MTUS1: variants seen among roughly 807,000 people sequenced by gnomAD.
The protein encoded by MTUS1 is microtubule-associated tumor suppressor 1.
Under a neutral mutation model 120.8 loss-of-function variants are expected in MTUS1, and 109 were observed. The observed-to-expected ratio is 0.90, with a 90% CI of 0.77 to 1.06. The LOEUF (loss-of-function observed/expected upper bound fraction) is 1.06. MTUS1 is among the 50% of genes least tolerant of loss of function. MTUS1 has a pLI of 0.00. For synonymous variants in MTUS1, 737 were observed against 550.5 expected, an observed-to-expected ratio of 1.34 and a Z score of -4.74; for missense variants, 2,210 against 1,486.3, an observed-to-expected ratio of 1.49 and a Z score of -8.01.
Position 17,666,128 on chromosome 8 carries a change from A to C in MTUS1, c.2905+9058T>G, listed in dbSNP as rs560339613. On this transcript the variant is annotated intron_variant, in intron 8 of 14. Coordinates refer to ENST00000693296, the MANE Select transcript of MTUS1 (RefSeq NM_001363059.2). ...TTTTTTTTTTTTAAATCACAACAGC[A>C]AACACTCCGTGTATAAACGAACACA... Among the ~76,000 whole-genome samples the C allele has an allele frequency of 5.7e-3, 847 of 148,208 alleles. 8 individuals carry two copies. Among genetic ancestry groups the C allele is most frequent in the African/African-American group, 0.02 (796 of 40,212 alleles).
chr8:17,654,662 T>A lies in MTUS1; in HGVS notation c.3113A>T (p.Asp1038Val), dbSNP rs1225235428. Residue 1038 changes from aspartate (D) to valine (V), a missense_variant, in exon 10 of 15, where the codon GAC (aspartate) becomes GTC (valine). Asp to Val is a radical substitution (Grantham distance 152, BLOSUM62 -3). Coordinates refer to ENST00000693296, the MANE Select transcript of MTUS1 (RefSeq NM_001363059.2). The part of the protein sequence containing the change: ...KYKMQLQEQF[D>V]NLNAAHETSK... ...GGTTTCATGCGCAGCATTTAAGTTG[T>A]CAAACTGTAAGCAACAAACAAAACC... 1.2e-6 allele frequency: 2 copies of A among 1,612,156 alleles called. No homozygotes were observed. The highest frequency in any genetic ancestry group is 1.7e-4 in the Middle Eastern group (1 of 6,060).
At chr8:17,669,967 T>G (rs1165474883) in intron 8 of MTUS1, among the ~76,000 whole-genome samples, 1 of 152,236 alleles carries the variant, frequency 6.6e-6, no homozygotes, top group Non-Finnish European at 1.5e-5. Flanking sequence ...ATTGGGTAGC[T>G]GTTGCAGTAT....
At chr8:17,799,951 A>G (rs1457962601) in intron 1 of MTUS1, among the ~76,000 whole-genome samples, 1 of 151,994 alleles carries the variant, frequency 6.6e-6, no homozygotes, top group South Asian at 2.1e-4. Context: ...AAAAAAAAAA[A>G]TCTGTAACAG....
At chr8:17,783,270 G>A (rs546320850) in intron 1 of MTUS1, among the ~76,000 whole-genome samples, 1 of 152,132 alleles carries the variant, frequency 6.6e-6, no homozygotes, top group Non-Finnish European at 1.5e-5. Context: ...AGGTGAGTGA[G>A]GTGTTCTCTC....
chr8:17,694,948 A>G (rs1438981453), intron 6 of MTUS1, among the ~76,000 whole-genome samples: 1 of 152,150 alleles, frequency 6.6e-6, no homozygotes, highest in Non-Finnish European at 1.5e-5. Context: ...TTAGGTGCAC[A>G]GGGCTATTCA....
At chr8:17,718,350 G>C (rs182841422) in intron 4 of MTUS1, among the ~76,000 whole-genome samples, 18 of 152,312 alleles carry the variant, frequency 1.2e-4, no homozygotes, top group African/African-American at 3.4e-4. Flanking sequence ...TCCAGCAATG[G>C]AACAGGATGT....
At chr8:17,728,945 A>G (rs1224481888) in intron 3 of MTUS1, among the ~76,000 whole-genome samples, 1 of 152,212 alleles carries the variant, frequency 6.6e-6, no homozygotes, top group Non-Finnish European at 1.5e-5. Flanking sequence ...TAACTAAAAA[A>G]TGAAAAGATT....
At chr8:17,769,371 A>ACG (rs2131436315) in intron 1 of MTUS1, among the ~76,000 whole-genome samples, 1 of 139,678 alleles carries the variant, frequency 7.2e-6, no homozygotes, top group Non-Finnish European at 1.5e-5. Context: ...TTTTTGAGAC[A>ACG]GAGTCTCGCT....
At chr8:17,656,129 TA>T (rs1297844055) in intron 8 of MTUS1, 64 bp from the exon 9 acceptor site, 34 of 1,433,140 alleles carry the variant, frequency 2.4e-5, no homozygotes, top group Middle Eastern at 1.7e-4. Flanking sequence ...CTATATTCAT[TA>T]CAGTCACACA....
At chr8:17,648,541 T>C (rs932620336) in intron 13 of MTUS1, among the ~76,000 whole-genome samples, 10 of 152,354 alleles carry the variant, frequency 6.6e-5, no homozygotes, top group African/African-American at 2.2e-4. Context: ...GGACGACCTT[T>C]GGCAGGAACT....
intron 3 of MTUS1, among the ~76,000 whole-genome samples, chr8:17,724,630 G>A (rs1013330249): frequency 5.3e-5 from 8 of 152,076 alleles, no homozygotes; most frequent in Non-Finnish European, 7.4e-5. Context: ...TACAGGCTGC[G>A]TATCCTCTGG....
rs17125275 is a variant in MTUS1 at position 17,760,255 on chromosome 8, T to C, written c.-154-4294A>G. On this transcript the variant is annotated intron_variant, in intron 1 of 14. Coordinates refer to ENST00000693296, the MANE Select transcript of MTUS1 (RefSeq NM_001363059.2). The stretch of plus-strand genomic sequence containing the variant: ...CAAAATAAAACAAATTTCAAATTGG[T>C]GAGCAAAGAGACTAAAAAACCCACA... Among the ~76,000 whole-genome samples the C allele has an allele frequency of 2.1e-3, 312 of 152,076 alleles. 2 individuals carry two copies. The highest frequency in any genetic ancestry group is 7.1e-3 in the African/African-American group (295 of 41,440).
At chr8:17,662,674 A>G (rs1810013907) in intron 8 of MTUS1, among the ~76,000 whole-genome samples, 1 of 151,884 alleles carries the variant, frequency 6.6e-6, no homozygotes, top group Non-Finnish European at 1.5e-5. Flanking sequence ...TAATCATTCC[A>G]TTAGTCTATT....
intron 2 of MTUS1, among the ~76,000 whole-genome samples, chr8:17,751,369 G>A (rs1458516034): frequency 6.6e-6 from 1 of 152,172 alleles, no homozygotes; most frequent in Non-Finnish European, 1.5e-5. Flanking sequence ...GCCTTTGAGT[G>A]CTGCTGAAGT....
At chr8:17,771,403 CA>C (rs2050013596) in intron 1 of MTUS1, among the ~76,000 whole-genome samples, 1 of 152,140 alleles carries the variant, frequency 6.6e-6, no homozygotes, top group African/African-American at 2.4e-5. Context: ...CCAATGGAAT[CA>C]AATACATGCT....
intron 2 of MTUS1, among the ~76,000 whole-genome samples, chr8:17,744,176 C>G (rs1478743208): frequency 6.6e-6 from 1 of 152,220 alleles, no homozygotes; most frequent in African/African-American, 2.4e-5. Flanking sequence ...GCAAAGCTGT[C>G]TCTTGTAGGG....
intron 6 of MTUS1, among the ~76,000 whole-genome samples, chr8:17,706,854 T>A (rs1488234040): frequency 6.6e-6 from 1 of 152,236 alleles, no homozygotes; most frequent in Non-Finnish European, 1.5e-5. Flanking sequence ...CAAAGCAGGA[T>A]ATACACTTAT....
At chr8:17,665,718 G>A (rs533078149) in intron 8 of MTUS1, among the ~76,000 whole-genome samples, 3 of 152,312 alleles carry the variant, frequency 2.0e-5, no homozygotes, top group East Asian at 3.9e-4. Flanking sequence ...GATCTGACTG[G>A]CTATTTTTCC....
At chr8:17,662,596 C>T (rs7014425) in intron 8 of MTUS1, among the ~76,000 whole-genome samples, 91,710 of 151,104 alleles carry the variant, frequency 0.61, 29,091 homozygotes, top group Middle Eastern at 0.81. Context: ...CCTCATGATC[C>T]GCCCACCTCA....
Sources: gnomAD v4.1 joint callset for allele counts (sites outside exome capture counted in the v4.1 genomes callset) on GRCh38, gnomAD v4.1.1 for gene constraint, MANE v1.5 for transcripts, NCBI Gene and HGNC (gene_info 2026-07-23, HGNC 2026-07-21) for gene names.